Variants in MS4A15 observed in about 807,000 individuals in gnomAD.
MS4A15 encodes membrane-spanning 4-domains subfamily A member 15.
MS4A15 carries 22 observed loss-of-function variants against 20.6 expected under a neutral mutation model. The ratio of observed to expected loss-of-function variants is 1.07; its 90% confidence interval spans 0.76 to 1.52. MS4A15 has a LOEUF of 1.52. MS4A15 is among the 40% of genes most tolerant of loss of function. The probability of loss-of-function intolerance (pLI) is 0.00; values close to 1 mark genes in which losing one functional copy is unlikely to be tolerated. For missense variants in MS4A15, 312 were observed against 323.0 expected (o/e 0.97, Z 0.26); for synonymous variants, 129 against 129.3 (o/e 1.00, Z 0.02).
At position 60,763,909 on chromosome 11, in the gene MS4A15, AC is replaced by A. The variant is rs1853816207; in HGVS notation, c.177del (p.Leu60CysfsTer8). The A allele has an allele frequency of 1.2e-6, 2 of 1,613,010 alleles. No homozygotes were observed. The highest frequency in any genetic ancestry group is 2.7e-5 in the African/African-American group (2 of 74,898). ...AQTPRATQPP[D>X]LRPVETFLTG... ...ACACCAAGGGCCACACAGCCACCTGACTTGCGGCCCGTGGAGACATTCCTGA... is the reference window on the plus strand; with the variant it reads ...ACACCAAGGGCCACACAGCCACCTGATTGCGGCCCGTGGAGACATTCCTGA... On this transcript the variant is annotated frameshift_variant, in exon 2 of 7. Transcript: ENST00000405633. LOFTEE classifies it high-confidence loss of function.
Position 60,767,648 on chromosome 11 carries a change from G to A in MS4A15, c.341G>A (p.Gly114Glu), listed in dbSNP as rs1456119170. ...FIEGGVPFWG[G>E]ACFIISGSLS... Reference sequence around the variant, plus strand: ...GAGGGCGGCGTCCCCTTCTGGGGAGGAGCCTGCGTGAGTGCCGGGGCCATG... The same window carrying A: ...GAGGGCGGCGTCCCCTTCTGGGGAGAAGCCTGCGTGAGTGCCGGGGCCATG... Residue 114 changes from glycine (G) to glutamate (E), a missense_variant, in exon 3 of 7, where the codon GGA becomes GAA. Gly to Glu is a moderately conservative substitution (Grantham distance 98, BLOSUM62 -2). Coordinates refer to ENST00000405633, the MANE Select transcript of MS4A15 (RefSeq NM_001098835.2). 2 of 1,550,704 alleles carry A rather than the reference G, an allele frequency of 1.3e-6. No homozygotes were observed. Among genetic ancestry groups the A allele is most frequent in the Non-Finnish European group, 8.7e-7 (1 of 1,146,852 alleles).
rs1356593394 is a variant in MS4A15, at chr11:60,773,906, G to A, written c.568G>A (p.Ala190Thr). 31 of 1,614,126 alleles carry A rather than the reference G, an allele frequency of 1.9e-5. No homozygotes were observed. The highest frequency in any genetic ancestry group is 2.5e-5 in the Non-Finnish European group (30 of 1,180,022). The change falls in exon 6 of 7, where the codon GCC (alanine) becomes ACC (threonine). Residue 190 changes from alanine (A) to threonine (T), a missense_variant. Physicochemically the swap from Ala to Thr is moderately conservative, Grantham distance 58. Transcript: ENST00000405633. ...TVLEFFTAVI[A>T]MHFGCQAIHA... ...CCTGGAGTTCTTCACAGCGGTCATT[G>A]CCATGCACTTCGGGTGCCAAGCCAT... is the stretch of plus-strand genomic sequence containing the variant.
intron 3 of MS4A15, among the ~76,000 whole-genome samples, chr11:60,768,341 C>G (rs1853935466): frequency 6.6e-6 from 1 of 152,228 alleles, no homozygotes; most frequent in South Asian, 2.1e-4. Flanking sequence ...GGAGCTCTGT[C>G]CCCTGGGAGT....
At position 60,773,372 on chromosome 11, in the gene MS4A15, T is replaced by C; in HGVS notation, c.406-20T>C. On this transcript the variant is annotated intron_variant, in intron 4 of 6. Transcript: ENST00000405633. ...TCTCTTTGCCTATTCCCTCTGCTCC[T>C]GTCTCTCTGCTCTCTGCAGGTGAGG... 1 of 1,602,508 alleles carries C rather than the reference T, an allele frequency of 6.2e-7. No homozygotes were observed. The highest frequency in any genetic ancestry group is 8.5e-7 in the Non-Finnish European group (1 of 1,173,096).
Position 60,771,355 on chromosome 11 carries a change from T to C in MS4A15, c.405+8T>C. 2 of 1,613,926 alleles carry C rather than the reference T, an allele frequency of 1.2e-6. No homozygotes were observed. Among genetic ancestry groups the C allele is most frequent in the East Asian group, 4.5e-5 (2 of 44,878 alleles). ...AACCACACCAGTTGCCTGGTGAGTGTGAACAGGGGGACCCAGGGGCGGGGA... is the reference window on the plus strand; with the variant it reads ...AACCACACCAGTTGCCTGGTGAGTGCGAACAGGGGGACCCAGGGGCGGGGA... On this transcript the variant is annotated splice_region_variant and intron_variant, in intron 4 of 6. Transcript: ENST00000405633.
chr11:60,763,906 C>G lies in MS4A15; in HGVS notation c.173C>G (p.Pro58Arg). 6.2e-7 allele frequency: 1 copy of G among 1,613,166 alleles called. No homozygotes were observed. Among genetic ancestry groups the G allele is most frequent in the Non-Finnish European group, 8.5e-7 (1 of 1,179,906 alleles). ...GAQTPRATQP[P>R]DLRPVETFLT... The stretch of plus-strand genomic sequence containing the variant: ...CAGACACCAAGGGCCACACAGCCAC[C>G]TGACTTGCGGCCCGTGGAGACATTC... Residue 58 changes from proline (P) to arginine (R), a missense_variant, in exon 2 of 7, where the codon CCT becomes CGT. Coordinates refer to ENST00000405633, the MANE Select transcript of MS4A15 (RefSeq NM_001098835.2).
At chr11:60,771,197 G>T (rs1565073561) in intron 3 of MS4A15, 94 bp from the exon 4 acceptor site, 46 of 1,444,198 alleles carry the variant, frequency 3.2e-5, no homozygotes, top group Non-Finnish European at 3.8e-5. Context: ...GGAGGCTGTT[G>T]TCTCTCCCTG....
chr11:60,761,079 C>T (rs1203740309), intron 1 of MS4A15, among the ~76,000 whole-genome samples: 1 of 152,086 alleles, frequency 6.6e-6, no homozygotes, highest in East Asian at 1.9e-4. Flanking sequence ...TTCTAAATCC[C>T]CCTGTTTTTA....
chr11:60,767,254 C>G (rs993614203), intron 2 of MS4A15, among the ~76,000 whole-genome samples: 14 of 152,220 alleles, frequency 9.2e-5, no homozygotes, highest in Admixed American at 3.3e-4. Context: ...GGTAGGGACA[C>G]AGCGATGCTT....
intron 4 of MS4A15, chr11:60,771,685 C>G: frequency 7.4e-7 from 1 of 1,357,314 alleles, no homozygotes; most frequent in South Asian, 1.3e-5. Context: ...ACAGGGAAAG[C>G]TGGAGAATGC....
chr11:60,771,830 C>T, intron 4 of MS4A15: 1 of 1,161,414 alleles, frequency 8.6e-7, no homozygotes, highest in Non-Finnish European at 1.1e-6. Context: ...TTGTGGAGGG[C>T]TTGGTGCCTT....
chr11:60,768,852 G>A (rs933835538), intron 3 of MS4A15, among the ~76,000 whole-genome samples: 3 of 152,192 alleles, frequency 2.0e-5, no homozygotes, highest in East Asian at 3.8e-4. Context: ...TTCCAGAACC[G>A]AGGCACAGTG....
chr11:60,771,700 A>G, intron 4 of MS4A15: 1 of 1,318,956 alleles, frequency 7.6e-7, no homozygotes. Flanking sequence ...GAATGCACGG[A>G]GGAGTGTGGG....
intron 4 of MS4A15, among the ~76,000 whole-genome samples, chr11:60,772,800 C>T (rs1854075595): frequency 6.6e-6 from 1 of 152,152 alleles, no homozygotes; most frequent in South Asian, 2.1e-4. Context: ...ACTTGCCCTG[C>T]ACGCTCTTTA....
chr11:60,773,473 G>T lies in MS4A15; in HGVS notation c.487G>T (p.Val163Phe), dbSNP rs747853565. Residue 163 changes from valine (V) to phenylalanine (F), a missense_variant, in exon 5 of 7, where the codon GTT (valine) becomes TTT (phenylalanine). Transcript: ENST00000405633. ...GTAILLMDFG[V>F]TNRDVDRGYL... ...AGCCATTCTGCTCATGGATTTTGGT[G>T]TTACCAACCGGGTGCGTTGTCAGAT... The T allele has an allele frequency of 1.9e-6, 3 of 1,613,810 alleles. No individual in the cohort carries two copies. The highest frequency in any genetic ancestry group is 2.5e-6 in the Non-Finnish European group (3 of 1,179,942).
chr11:60,763,829 C>G lies in MS4A15; in HGVS notation c.96C>G (p.Ser32=). 6.2e-7 allele frequency: 1 copy of G among 1,612,726 alleles called. No homozygotes were observed. Among genetic ancestry groups the G allele is most frequent in the Non-Finnish European group, 8.5e-7 (1 of 1,179,894 alleles). The change falls in exon 2 of 7, where the codon TCC becomes TCG. Residue 32 remains serine, a synonymous_variant. Transcript: ENST00000405633. The part of the protein sequence containing the change: ...LCPPPAILPT[S]MCQPPGIMQF... ...CACCTCCGGCCATTCTGCCCACATC[C>G]ATGTGCCAACCTCCAGGGATTATGC...
intron 3 of MS4A15, among the ~76,000 whole-genome samples, chr11:60,769,466 G>A (rs1853973520): frequency 6.6e-6 from 1 of 152,190 alleles, no homozygotes; most frequent in South Asian, 2.1e-4. Flanking sequence ...CTCCTTCTCT[G>A]TATGAACCTG....
chr11:60,763,452 T>C (rs1853798401), intron 1 of MS4A15, among the ~76,000 whole-genome samples: 1 of 152,098 alleles, frequency 6.6e-6, no homozygotes, highest in Non-Finnish European at 1.5e-5. Flanking sequence ...CCACATAATA[T>C]AGCTCAGAGA....
At chr11:60,773,973 C>T (rs1484678369) in intron 6 of MS4A15, 23 bp downstream of exon 6, 3 of 1,582,852 alleles carry the variant, frequency 1.9e-6, no homozygotes, top group African/African-American at 2.7e-5. Flanking sequence ...ACCCCCACCC[C>T]CACGTCCACT....
Sources: gnomAD v4.1 joint callset for allele counts (sites outside exome capture counted in the v4.1 genomes callset) on GRCh38, gnomAD v4.1.1 for gene constraint, MANE v1.5 for transcripts, NCBI Gene and HGNC (gene_info 2026-07-23, HGNC 2026-07-21) for gene names.